The following THEMIS2 variants were observed in gnomAD, a reference collection of about 807,000 sequenced individuals.
THEMIS2 encodes protein THEMIS2.
In THEMIS2, 29 loss-of-function variants were observed where a neutral mutation model predicts 46.8. The observed-to-expected ratio is 0.62, with a 90% CI of 0.46 to 0.84. THEMIS2 has a LOEUF of 0.84. Ranked by LOEUF, THEMIS2 falls within the 40% of genes least tolerant of loss-of-function variation. The probability of loss-of-function intolerance (pLI) is 0.00; values close to 1 mark genes in which losing one functional copy is unlikely to be tolerated. For synonymous variants in THEMIS2, 335 were observed against 349.1 expected, an observed-to-expected ratio of 0.96 and a Z score of 0.45; for missense variants, 698 against 834.7, an observed-to-expected ratio of 0.84 and a Z score of 2.02.
intron 3 of THEMIS2, among the ~76,000 whole-genome samples, chr1:27,881,529 GAA>G (rs1457911467): frequency 6.6e-6 from 1 of 151,262 alleles, no homozygotes; most frequent in East Asian, 2.0e-4. Flanking sequence ...TGATTGGAAA[GAA>G]AAGATGGCAG....
intron 1 of THEMIS2, among the ~76,000 whole-genome samples, chr1:27,875,260 T>C (rs1005052233): frequency 1.3e-5 from 2 of 152,260 alleles, no homozygotes; most frequent in Admixed American, 6.5e-5. Context: ...ATTACAGGCA[T>C]GAGCCACCAT....
intron 3 of THEMIS2, among the ~76,000 whole-genome samples, chr1:27,880,673 G>C (rs2089664828): frequency 6.6e-6 from 1 of 152,192 alleles, no homozygotes; most frequent in African/African-American, 2.4e-5. Flanking sequence ...TGTAGTAGCA[G>C]CTACTCTGGA....
chr1:27,885,479 T>G, intron 5 of THEMIS2, 28 bp downstream of exon 5: 2 of 1,607,396 alleles, frequency 1.2e-6, no homozygotes, highest in Non-Finnish European at 1.7e-6. Context: ...CTGCTCACCC[T>G]TGTCCTTGTG....
chr1:27,880,873 G>T (rs1468687717), intron 3 of THEMIS2, among the ~76,000 whole-genome samples: 1 of 151,674 alleles, frequency 6.6e-6, no homozygotes, highest in Non-Finnish European at 1.5e-5. Flanking sequence ...CATCTCCCAG[G>T]TTCAAGCGAT....
chr1:27,876,877 G>A, intron 2 of THEMIS2, 149 bp downstream of exon 2: 2 of 994,218 alleles, frequency 2.0e-6, no homozygotes, highest in Non-Finnish European at 2.9e-6. Context: ...CCAGCCTCAA[G>A]GGTGGGGATG....
In THEMIS2 at chr1:27,882,259, G is replaced by C; in HGVS notation, c.935G>C (p.Arg312Thr). The C allele has an allele frequency of 6.2e-7, 1 of 1,608,182 alleles. No homozygotes were observed. Among genetic ancestry groups the C allele is most frequent in the South Asian group, 1.1e-5 (1 of 90,638 alleles). The change falls in exon 4 of 6, where the codon AGG becomes ACG. Residue 312 changes from arginine (R) to threonine (T), a missense_variant. By Grantham distance (71) the Arg-to-Thr change is moderately conservative. Transcript: ENST00000373921. This position sits in a 1 kb window ranked among gnomAD's most constrained non-coding sequence, Gnocchi z 7.6. The stretch of plus-strand genomic sequence containing the variant: ...TCAAGCAAGGGCCGCAAGGTGCCCA[G>C]GCACTTCCTGGTGTCAGGGGGCTAC... ...LASSKGRKVP[R>T]HFLVSGGYQG...
At chr1:27,883,882 C>A (rs2089726757) in intron 4 of THEMIS2, 2 of 152,240 alleles carry the variant, frequency 1.3e-5, no homozygotes, top group Non-Finnish European at 2.9e-5. Flanking sequence ...AGGGACCTTA[C>A]CTGCTCCAAG....
chr1:27,886,156 G>T lies in THEMIS2; in HGVS notation c.*234G>T, dbSNP rs781588757. The T allele has an allele frequency of 1.8e-6, 1 of 541,872 alleles. No individual in the cohort carries two copies. The allele number at this position is 541,872 out of a possible 1,614,324, so 33.6% of individuals were successfully genotyped here. On this transcript the variant is annotated 3_prime_UTR_variant, in exon 6 of 6. Coordinates refer to ENST00000373921, the MANE Select transcript of THEMIS2 (RefSeq NM_001105556.3). The stretch of plus-strand genomic sequence containing the variant: ...TAACATCTCGCACGTGACTCCCTCA[G>T]CCTCAGAGCCTTGGGATGCAGAGCA...
intron 2 of THEMIS2, among the ~76,000 whole-genome samples, chr1:27,878,795 C>T (rs1051784107): frequency 6.6e-6 from 1 of 152,068 alleles, no homozygotes; most frequent in Admixed American, 6.6e-5. Flanking sequence ...ATTTGAATTC[C>T]AGCAACTATC....
intron 5 of THEMIS2, 89 bp downstream of exon 5, chr1:27,885,540 G>T (rs1238288824): frequency 1.3e-6 from 2 of 1,484,596 alleles, no homozygotes; most frequent in East Asian, 2.3e-5. Context: ...CCCTGTCCAG[G>T]GACAGACCCT....
intron 1 of THEMIS2, among the ~76,000 whole-genome samples, 193 bp from the exon 2 acceptor site, chr1:27,876,395 T>C (rs2089579436): frequency 6.6e-6 from 1 of 152,058 alleles, no homozygotes; most frequent in South Asian, 2.1e-4. Context: ...GGTGCACCGA[T>C]GCCAGGAGGG....
At chr1:27,873,170 A>C (rs61789660) in intron 1 of THEMIS2, among the ~76,000 whole-genome samples, 17,532 of 152,058 alleles carry the variant, frequency 0.12, 1,089 homozygotes, top group African/African-American at 0.16. Context: ...TTCAGTTCTC[A>C]GCTTAAATGG....
intron 4 of THEMIS2, chr1:27,883,258 A>G: frequency 1.7e-6 from 1 of 582,382 alleles, no homozygotes; most frequent in Non-Finnish European, 3.0e-6. Flanking sequence ...GGACTTGGAG[A>G]CCCTAAGACT....
chr1:27,873,228 C>G (rs532447917), intron 1 of THEMIS2, among the ~76,000 whole-genome samples: 6 of 152,200 alleles, frequency 3.9e-5, no homozygotes, highest in Non-Finnish European at 7.3e-5. Flanking sequence ...TGCACGCCCC[C>G]GTACATCTGC....
Position 27,885,885 on chromosome 1 carries a change from A to G in THEMIS2, c.1895A>G (p.Tyr632Cys). The G allele has an allele frequency of 6.2e-7, 1 of 1,614,094 alleles. No homozygotes were observed. Among genetic ancestry groups the G allele is most frequent in the Non-Finnish European group, 8.5e-7 (1 of 1,180,032 alleles). Residue 632 changes from tyrosine (Y) to cysteine (C), a missense_variant, in exon 6 of 6, where the codon TAT (tyrosine) becomes TGT (cysteine). Coordinates refer to ENST00000373921, the MANE Select transcript of THEMIS2 (RefSeq NM_001105556.3). ...TTTGCAGATGATGATGAACATGATTATGAAGAAATACTTGAGCAATTTCAG... is the reference window on the plus strand; with the variant it reads ...TTTGCAGATGATGATGAACATGATTGTGAAGAAATACTTGAGCAATTTCAG... ...RQDLDDDEHD[Y>C]EEILEQFQKT...
Position 27,872,583 on chromosome 1 carries a change from G to A in THEMIS2, c.12G>A (p.Val4=), listed in dbSNP as rs1385892167. 3 of 1,489,256 alleles carry A rather than the reference G, an allele frequency of 2.0e-6. No homozygotes were observed. The highest frequency in any genetic ancestry group is 5.8e-5 in the East Asian group (2 of 34,534). 92.3% of individuals were successfully genotyped at this position (1,489,256 alleles called of 1,614,324 possible). A position where few individuals can be genotyped will look rare whatever the true frequency, so the allele number is the denominator to read the frequency against. The part of the protein sequence containing the change: MEP[V]PLQDFVRALD... ...GAGCCGCGGGGACCATGGAGCCGGT[G>A]CCGCTGCAGGACTTCGTGCGCGCCT... Residue 4 remains valine, a synonymous_variant, in exon 1 of 6, where the codon GTG becomes GTA. Coordinates refer to ENST00000373921, the MANE Select transcript of THEMIS2 (RefSeq NM_001105556.3). This position sits in a 1 kb window ranked among gnomAD's most constrained non-coding sequence, Gnocchi z 4.9.
intron 3 of THEMIS2, among the ~76,000 whole-genome samples, chr1:27,880,977 G>A (rs931781613): frequency 2.0e-5 from 3 of 151,092 alleles, no homozygotes; most frequent in Admixed American, 6.6e-5. Flanking sequence ...ACAGGGTTTC[G>A]CCATATCGGC....
In THEMIS2 at chr1:27,882,845, G is replaced by C. The variant is rs778275775; in HGVS notation, c.1521G>C (p.Leu507=). 1 of 1,613,932 alleles carries C rather than the reference G, an allele frequency of 6.2e-7. No individual in the cohort carries two copies. Among genetic ancestry groups the C allele is most frequent in the Non-Finnish European group, 8.5e-7 (1 of 1,179,938 alleles). ...CFEIPPRWLD[L]TVVKAKGQPD... ...AGATCCCTCCCCGGTGGCTGGACCTGACTGTTGTGAAGGCCAAGGGGCAGC... is the reference window on the plus strand; with the variant it reads ...AGATCCCTCCCCGGTGGCTGGACCTCACTGTTGTGAAGGCCAAGGGGCAGC... Residue 507 remains leucine (L), a synonymous_variant, in exon 4 of 6, where the codon CTG becomes CTC. Coordinates refer to ENST00000373921, the MANE Select transcript of THEMIS2 (RefSeq NM_001105556.3). This position sits in a 1 kb window ranked among gnomAD's most constrained non-coding sequence, Gnocchi z 7.6.
intron 3 of THEMIS2, among the ~76,000 whole-genome samples, chr1:27,880,360 A>G (rs1395027060): frequency 6.6e-6 from 1 of 151,898 alleles, no homozygotes; most frequent in Non-Finnish European, 1.5e-5. Context: ...AATTTTTTGT[A>G]TTTTTAGTAG....
Sources: gnomAD v4.1 joint callset for allele counts (sites outside exome capture counted in the v4.1 genomes callset) on GRCh38, gnomAD v4.1.1 for gene constraint, Gnocchi (gnomAD v3.1) non-coding constraint, MANE v1.5 for transcripts, NCBI Gene and HGNC (gene_info 2026-07-23, HGNC 2026-07-21) for gene names.